NUP210: variants seen among roughly 807,000 people sequenced by gnomAD.
The protein encoded by NUP210 is nuclear pore membrane glycoprotein 210.
Under a neutral mutation model 196.0 loss-of-function variants are expected in NUP210, and 151 were observed. The observed-to-expected ratio is 0.77, with a 90% CI of 0.67 to 0.88. The LOEUF (loss-of-function observed/expected upper bound fraction) is 0.88, where lower values mean the gene tolerates loss of function less well. NUP210 is among the 40% of genes least tolerant of loss of function. The pLI is 0.00. For missense variants in NUP210, 2,314 were observed against 2,493.7 expected, an observed-to-expected ratio of 0.93 and a Z score of 1.53; for synonymous variants, 1,070 against 1,052.7, an observed-to-expected ratio of 1.02 and a Z score of -0.32.
rs1170817869 is a variant in NUP210 at position 13,352,183 on chromosome 3, T to C, written c.2630A>G (p.His877Arg). Residue 877 changes from histidine to arginine, a missense_variant and splice_region_variant, in exon 19 of 40, where the codon CAT becomes CGT. His to Arg is a conservative substitution (Grantham distance 29). Transcript: ENST00000254508. ...HLSSARTKQP[H>R]DPLVPLSASI... Reference sequence around the variant, plus strand: ...GGCCGACAGAGGCACCAGAGGGTCATGCTGAAGGACAAGGGCAAGGCCATT... The same window carrying C: ...GGCCGACAGAGGCACCAGAGGGTCACGCTGAAGGACAAGGGCAAGGCCATT... The C allele has an allele frequency of 6.2e-7, 1 of 1,611,186 alleles. No homozygotes were observed. The highest frequency in any genetic ancestry group is 8.5e-7 in the Non-Finnish European group (1 of 1,178,084).
At chr3:13,380,437 A>G (rs1391117864) in intron 6 of NUP210, among the ~76,000 whole-genome samples, 1 of 152,190 alleles carries the variant, frequency 6.6e-6, no homozygotes, top group Non-Finnish European at 1.5e-5. Flanking sequence ...TAGCCCTGGG[A>G]ACACGCTACT....
intron 1 of NUP210, among the ~76,000 whole-genome samples, chr3:13,415,042 C>G (rs530435711): frequency 2.6e-5 from 4 of 152,278 alleles, no homozygotes; most frequent in African/African-American, 7.2e-5. Context: ...TCTAGACCAT[C>G]CTGGCCAACA....
In NUP210 at chr3:13,379,054, A is replaced by C; in HGVS notation, c.977-74T>G. 3 of 1,247,028 alleles carry C rather than the reference A, an allele frequency of 2.4e-6. No individual in the cohort carries two copies. Among genetic ancestry groups the C allele is most frequent in the Non-Finnish European group, 3.5e-6 (3 of 846,176 alleles). The allele number at this position is 1,247,028 out of a possible 1,614,324, so 77.2% of individuals were successfully genotyped here. On this transcript the variant is annotated intron_variant, in intron 7 of 39. Coordinates refer to ENST00000254508, the MANE Select transcript of NUP210 (RefSeq NM_024923.4). The surrounding 1 kb of genome is among the most constrained non-coding windows in gnomAD (Gnocchi z 4.2). ...TGGCTGGCCAGTTTCAGCTTGGCTC[A>C]GAATCCTGATCATCAAGACATCACA... is the stretch of plus-strand genomic sequence containing the variant.
At chr3:13,369,623 T>C (rs1453131933) in intron 13 of NUP210, among the ~76,000 whole-genome samples, 3 of 152,254 alleles carry the variant, frequency 2.0e-5, no homozygotes, top group Non-Finnish European at 4.4e-5. Flanking sequence ...ACTTCATTCT[T>C]ATGCATGTCG....
intron 15 of NUP210, among the ~76,000 whole-genome samples, chr3:13,359,675 C>T (rs1210229985): frequency 2.0e-5 from 3 of 152,208 alleles, no homozygotes; most frequent in Non-Finnish European, 4.4e-5. Flanking sequence ...AGAAGCCCCA[C>T]AAGCTCTCAG....
At position 13,376,442 on chromosome 3, in the gene NUP210, A is replaced by G. The variant is rs1213932015; in HGVS notation, c.1153-11T>C. 3.7e-6 allele frequency: 6 copies of G among 1,613,992 alleles called. No individual in the cohort carries two copies. In the East Asian group the frequency reaches 1.1e-4, roughly 30 times the overall value. On this transcript the variant is annotated splice_polypyrimidine_tract_variant and intron_variant, in intron 9 of 39. Coordinates refer to ENST00000254508, the MANE Select transcript of NUP210 (RefSeq NM_024923.4). Reference sequence around the variant, plus strand: ...TTCAATTCGGATGTTCTGGAAGGTGAGGCAGGACAGGAGAGAGGTGCTTCT... The same window carrying G: ...TTCAATTCGGATGTTCTGGAAGGTGGGGCAGGACAGGAGAGAGGTGCTTCT...
Position 13,379,470 on chromosome 3 carries a change from T to C in NUP210, c.976+93A>G. 1 of 1,505,660 alleles carries C rather than the reference T, an allele frequency of 6.6e-7. No individual in the cohort carries two copies. The highest frequency in any genetic ancestry group is 9.2e-7 in the Non-Finnish European group (1 of 1,088,580). 93.3% of individuals were successfully genotyped at this position (1,505,660 alleles called of 1,614,324 possible). A position where few individuals can be genotyped will look rare whatever the true frequency, so the allele number is the denominator to read the frequency against. ...GACCGTTGAGGGGAAACGGCTATTT[T>C]TAGCCCTGCCGAGCTTTCAGGGAAA... On this transcript the variant is annotated intron_variant, in intron 7 of 39. Transcript: ENST00000254508. This position sits in a 1 kb window ranked among gnomAD's most constrained non-coding sequence, Gnocchi z 4.2.
intron 2 of NUP210, 95 bp downstream of exon 2, chr3:13,399,630 C>T (rs958214057): frequency 1.6e-5 from 24 of 1,541,764 alleles, no homozygotes; most frequent in Non-Finnish European, 2.1e-5. Context: ...AAAGCCCTGC[C>T]ATGGGCTCAG....
chr3:13,371,837 G>A lies in NUP210; in HGVS notation c.1783C>T (p.Pro595Ser), dbSNP rs1698740760. 6.2e-7 allele frequency: 1 copy of A among 1,604,960 alleles called. No individual in the cohort carries two copies. Among genetic ancestry groups the A allele is most frequent in the Admixed American group, 1.7e-5 (1 of 58,988 alleles). The part of the protein sequence containing the change: ...VENQGVFQPL[P>S]GRLPPGSEHC... ...CTGCTCAGCAGCGCTGGTTTACCTGGGAGTGGCTGGAACACACCCTGGTTC... is the reference window on the plus strand; with the variant it reads ...CTGCTCAGCAGCGCTGGTTTACCTGAGAGTGGCTGGAACACACCCTGGTTC... Residue 595 changes from proline (P) to serine (S), a missense_variant, in exon 13 of 40, where the codon CCA becomes TCA. Coordinates refer to ENST00000254508, the MANE Select transcript of NUP210 (RefSeq NM_024923.4).
At chr3:13,357,292 A>G (rs1007329962) in intron 16 of NUP210, among the ~76,000 whole-genome samples, 1 of 152,208 alleles carries the variant, frequency 6.6e-6, no homozygotes, top group African/African-American at 2.4e-5. Flanking sequence ...GTGAGCTCGC[A>G]CATGCCCTCC....
chr3:13,380,975 CT>C (rs1217130758), intron 6 of NUP210, among the ~76,000 whole-genome samples: 3 of 152,336 alleles, frequency 2.0e-5, no homozygotes, highest in African/African-American at 7.2e-5. Context: ...CATCCCAGAC[CT>C]GCTGAATCAA....
chr3:13,393,921 C>T (rs148486460), intron 3 of NUP210, among the ~76,000 whole-genome samples: 20 of 152,334 alleles, frequency 1.3e-4, no homozygotes, highest in Middle Eastern at 3.4e-3. Flanking sequence ...GGCAATTCAA[C>T]CTAGCAAACA....
intron 14 of NUP210, among the ~76,000 whole-genome samples, chr3:13,363,129 A>C (rs1393576398): frequency 6.6e-6 from 1 of 152,194 alleles, no homozygotes; most frequent in Non-Finnish European, 1.5e-5. Context: ...GCTGGAATGA[A>C]AGACCTGAAT....
chr3:13,420,043 C>A lies in NUP210; in HGVS notation c.167+17G>T. 8.0e-7 allele frequency: 1 copy of A among 1,245,382 alleles called. No homozygotes were observed. Among genetic ancestry groups the A allele is most frequent in the Non-Finnish European group, 1.0e-6 (1 of 979,988 alleles). The allele number at this position is 1,245,382 out of a possible 1,614,324, so 77.1% of individuals were successfully genotyped here. On this transcript the variant is annotated intron_variant, in intron 1 of 39. Coordinates refer to ENST00000254508, the MANE Select transcript of NUP210 (RefSeq NM_024923.4). The surrounding 1 kb of genome is among the most constrained non-coding windows in gnomAD (Gnocchi z 4.8). ...GCCCGGCCCACGGCGCCCGCCCGGC[C>A]CGGCCGCGCGCCTCACCAGCGGTAG... is the stretch of plus-strand genomic sequence containing the variant.
Position 13,323,274 on chromosome 3 carries a change from T to A in NUP210, c.4768+35A>T. 1 of 1,613,010 alleles carries A rather than the reference T, an allele frequency of 6.2e-7. No homozygotes were observed. The highest frequency in any genetic ancestry group is 8.5e-7 in the Non-Finnish European group (1 of 1,179,326). ...AGGAAGCCACCTCCCCGCTCCCAGG[T>A]ACTCTGAAGACAGCCCAAGCCCCTC... On this transcript the variant is annotated intron_variant, in intron 34 of 39. Coordinates refer to ENST00000254508, the MANE Select transcript of NUP210 (RefSeq NM_024923.4). This position sits in a 1 kb window ranked among gnomAD's most constrained non-coding sequence, Gnocchi z 4.3.
intron 32 of NUP210, among the ~76,000 whole-genome samples, 170 bp downstream of exon 32, chr3:13,327,047 C>T (rs1025593598): frequency 2.0e-5 from 3 of 152,252 alleles, no homozygotes; most frequent in East Asian, 3.8e-4. Context: ...AAAACAGGCA[C>T]AGGCTGGATC....
Position 13,323,412 on chromosome 3 carries a change from C to CT in NUP210, c.4664dup (p.Arg1556GlufsTer32), listed in dbSNP as rs770622989. On this transcript the variant is annotated frameshift_variant, in exon 34 of 40. Coordinates refer to ENST00000254508, the MANE Select transcript of NUP210 (RefSeq NM_024923.4). LOFTEE classifies it high-confidence loss of function. This position sits in a 1 kb window ranked among gnomAD's most constrained non-coding sequence, Gnocchi z 4.3. ...GGTGGAGGTGACGGGCCATGATCCTCTGAGGGACGCTGACCACCACCTAGA... is the reference window on the plus strand; with the variant it reads ...GGTGGAGGTGACGGGCCATGATCCTCTTGAGGGACGCTGACCACCACCTAGA... 26 of 1,613,996 alleles carry CT rather than the reference C, an allele frequency of 1.6e-5. No homozygotes were observed. Among genetic ancestry groups the CT allele is most frequent in the Non-Finnish European group, 2.2e-5 (26 of 1,180,008 alleles).
chr3:13,317,717 G>C lies in NUP210; in HGVS notation c.5628C>G (p.Pro1876=). The C allele has an allele frequency of 1.2e-6, 2 of 1,611,416 alleles. No individual in the cohort carries two copies. Among genetic ancestry groups the C allele is most frequent in the Non-Finnish European group, 1.7e-6 (2 of 1,179,028 alleles). ...CATAGGCTGGGCTCCACAGCCCTGA[G>C]GGAGGGCTGGCTTTGCGAGCAGGAG... ...ALPPARKASP[P]SGLWSPAYAS... The change falls in exon 40 of 40, where the codon CCC becomes CCG. Residue 1876 remains proline (P), a synonymous_variant. Coordinates refer to ENST00000254508, the MANE Select transcript of NUP210 (RefSeq NM_024923.4).
rs766631625 is a variant in NUP210 at position 13,328,871 on chromosome 3, C to T, written c.4186G>A (p.Val1396Met). 3.3e-5 allele frequency: 53 copies of T among 1,614,024 alleles called. No individual in the cohort carries two copies. Among genetic ancestry groups the T allele is most frequent in the South Asian group, 1.9e-4 (17 of 91,086 alleles). The part of the protein sequence containing the change: ...HTQNKEALVA[V>M]PLGMTVTFTV... ...AAGGTCACGGTCATTCCCAAAGGCA[C>T]GGCCACCAGGGCCTCCTTGTTCTGG... Residue 1396 changes from valine (V) to methionine (M), a missense_variant, in exon 31 of 40, where the codon GTG becomes ATG. Coordinates refer to ENST00000254508, the MANE Select transcript of NUP210 (RefSeq NM_024923.4).
Sources: gnomAD v4.1 joint callset for allele counts (sites outside exome capture counted in the v4.1 genomes callset) on GRCh38, gnomAD v4.1.1 for gene constraint, Gnocchi (gnomAD v3.1) non-coding constraint, MANE v1.5 for transcripts, NCBI Gene and HGNC (gene_info 2026-07-23, HGNC 2026-07-21) for gene names.